NUP210L: variants seen among roughly 807,000 people sequenced by gnomAD.
NUP210L encodes nuclear pore membrane glycoprotein 210-like.
NUP210L carries 74 observed loss-of-function variants against 208.5 expected under a neutral mutation model. The ratio of observed to expected loss-of-function variants is 0.35; its 90% CI spans 0.29 to 0.43. The LOEUF is 0.43. Among genes scored for constraint, NUP210L ranks in the 20% least tolerant of loss-of-function variants. NUP210L has a pLI of 1.00. For synonymous variants in NUP210L, 780 were observed against 816.9 expected, an observed-to-expected ratio of 0.95 and a Z score of 0.77; for missense variants, 1,843 against 2,289.4, an observed-to-expected ratio of 0.81 and a Z score of 3.98.
At chr1:154,029,222 CA>C (rs1652076662) in intron 28 of NUP210L, among the ~76,000 whole-genome samples, 1 of 142,376 alleles carries the variant, frequency 7.0e-6, no homozygotes, top group African/African-American at 2.6e-5. Context: ...ACTAAAAATA[CA>C]AAAAATTAGC....
intron 10 of NUP210L, among the ~76,000 whole-genome samples, chr1:154,124,779 C>G (rs1426693571): frequency 6.6e-6 from 1 of 151,934 alleles, no homozygotes; most frequent in Non-Finnish European, 1.5e-5. Flanking sequence ...TAGCAAGAAC[C>G]TGTCTCTACA....
At chr1:154,127,167 T>A in intron 9 of NUP210L, 144 bp downstream of exon 9, 3 of 428,204 alleles carry the variant, frequency 7.0e-6, no homozygotes, top group Non-Finnish European at 8.2e-6. Flanking sequence ...ATGATAATAA[T>A]AAATTAGCAA....
chr1:154,123,473 T>C (rs1657717236), intron 10 of NUP210L, among the ~76,000 whole-genome samples: 1 of 152,230 alleles, frequency 6.6e-6, no homozygotes, highest in Admixed American at 6.5e-5. Context: ...TGACTAATCA[T>C]GCTGAACATC....
chr1:154,030,920 T>A (rs1571191116), intron 27 of NUP210L, among the ~76,000 whole-genome samples: 2 of 152,076 alleles, frequency 1.3e-5, no homozygotes, highest in African/African-American at 2.4e-5. Context: ...TTAAAAAAAA[T>A]TCTTTTTTCT....
intron 9 of NUP210L, among the ~76,000 whole-genome samples, chr1:154,127,055 A>G (rs534196148): frequency 8.6e-5 from 13 of 150,778 alleles, no homozygotes; most frequent in Admixed American, 8.0e-4. Flanking sequence ...GCAGTGAGCT[A>G]TGATCACACC....
At chr1:154,114,243 C>T (rs1162619597) in intron 12 of NUP210L, among the ~76,000 whole-genome samples, 1 of 151,878 alleles carries the variant, frequency 6.6e-6, no homozygotes, top group East Asian at 1.9e-4. Context: ...GAGTAGGCCA[C>T]GATTGTGCCA....
intron 32 of NUP210L, 90 bp from the exon 33 acceptor site, chr1:154,019,159 A>G (rs1651419959): frequency 1.5e-6 from 2 of 1,341,352 alleles, no homozygotes; most frequent in East Asian, 2.4e-5. Flanking sequence ...AAATTTTTCA[A>G]GCATGCAGAT....
intron 16 of NUP210L, among the ~76,000 whole-genome samples, chr1:154,076,564 A>T (rs1655052353): frequency 6.6e-6 from 1 of 152,236 alleles, no homozygotes; most frequent in African/African-American, 2.4e-5. Context: ...TGAAAAGTAC[A>T]ATAATTGAAA....
At chr1:154,134,750 A>AAAAT (rs1181262986) in intron 7 of NUP210L, among the ~76,000 whole-genome samples, 20 of 149,696 alleles carry the variant, frequency 1.3e-4, no homozygotes, top group Non-Finnish European at 2.8e-4. Flanking sequence ...AAAAAAAAAA[A>AAAAT]AAAAGATGGA....
intron 12 of NUP210L, among the ~76,000 whole-genome samples, chr1:154,108,673 G>A (rs536927662): frequency 1.3e-5 from 2 of 151,676 alleles, no homozygotes; most frequent in Non-Finnish European, 2.9e-5. Flanking sequence ...AGGAAGGACA[G>A]AAGGAAGAGA....
intron 35 of NUP210L, among the ~76,000 whole-genome samples, chr1:154,008,555 A>G (rs1201235610): frequency 6.6e-6 from 1 of 152,114 alleles, no homozygotes; most frequent in African/African-American, 2.4e-5. Flanking sequence ...AAAAATACAA[A>G]AATTATCTGG....
At chr1:154,089,372 C>A in intron 16 of NUP210L, 49 bp downstream of exon 16, 1 of 1,489,338 alleles carries the variant, frequency 6.7e-7, no homozygotes, top group Non-Finnish European at 9.3e-7. Flanking sequence ...ATCTCTAAAG[C>A]ACGGAATATA....
intron 18 of NUP210L, 86 bp from the exon 19 acceptor site, chr1:154,061,132 C>G (rs1654113857): frequency 1.1e-6 from 1 of 895,160 alleles, no homozygotes; most frequent in African/African-American, 1.7e-5. Context: ...AATCCCAGCA[C>G]TTTGGGAGGG....
chr1:154,065,086 T>TAAAATA (rs566900009), intron 17 of NUP210L, among the ~76,000 whole-genome samples: 1 of 134,556 alleles, frequency 7.4e-6, no homozygotes, highest in East Asian at 2.2e-4. Flanking sequence ...AGTAAATAAA[T>TAAAATA]AAATAAAATA....
At chr1:154,108,468 T>TCAACA (rs1557982146) in intron 12 of NUP210L, among the ~76,000 whole-genome samples, 1 of 151,848 alleles carries the variant, frequency 6.6e-6, no homozygotes, top group African/African-American at 2.4e-5. Flanking sequence ...GCAACCAGCC[T>TCAACA]AGAGTTTTGA....
chr1:154,000,803 C>A, intron 37 of NUP210L, 53 bp downstream of exon 37: 2 of 1,500,610 alleles, frequency 1.3e-6, no homozygotes, highest in South Asian at 2.3e-5. Flanking sequence ...TAATGTAATA[C>A]ATTCTTTCTT....
At chr1:154,009,325 T>C (rs562847824) in intron 35 of NUP210L, among the ~76,000 whole-genome samples, 1 of 152,246 alleles carries the variant, frequency 6.6e-6, no homozygotes, top group South Asian at 2.1e-4. Flanking sequence ...TTCTTTTATT[T>C]GGAATATCTT....
chr1:154,155,002 G>T, exon 1 of NUP210L: 1 of 1,613,534 alleles, frequency 6.2e-7, no homozygotes, highest in South Asian at 1.1e-5. Flanking sequence ...AAGAAAAAGA[G>T]CCCGAAGCCT....
chr1:154,142,719 G>A (rs901936031), intron 3 of NUP210L, among the ~76,000 whole-genome samples: 14 of 151,496 alleles, frequency 9.2e-5, no homozygotes, highest in South Asian at 4.2e-4. Context: ...GGTGAAACCC[G>A]TCTCTATTAA....
Sources: allele counts gnomAD v4.1 joint callset (sites outside exome capture counted in the v4.1 genomes callset), GRCh38; gene constraint gnomAD v4.1.1; transcripts MANE v1.5; gene names NCBI Gene and HGNC (gene_info 2026-07-23, HGNC 2026-07-21).